The following RABEP2 variants were observed in gnomAD, a reference collection of about 807,000 sequenced individuals.
The protein encoded by RABEP2 is rabaptin, RAB GTPase binding effector protein 2.
A neutral mutation model predicts 74.1 loss-of-function variants in RABEP2; 57 were observed. That is an observed-to-expected ratio of 0.77 (90% CI 0.62 to 0.96). RABEP2 has a LOEUF of 0.96. RABEP2 is among the 40% of genes least tolerant of loss of function. The pLI is 0.00. For synonymous variants in RABEP2, 351 were observed against 344.0 expected, an observed-to-expected ratio of 1.02 and a Z score of -0.23; for missense variants, 692 against 756.3, an observed-to-expected ratio of 0.91 and a Z score of 1.00.
In RABEP2 at chr16:28,904,912, C is replaced by G; in HGVS notation, c.*31G>C. 2 of 1,543,110 alleles carry G rather than the reference C, an allele frequency of 1.3e-6. No individual in the cohort carries two copies. Among genetic ancestry groups the G allele is most frequent in the Non-Finnish European group, 1.8e-6 (2 of 1,120,332 alleles). On this transcript the variant is annotated 3_prime_UTR_variant, in exon 13 of 13. Transcript: ENST00000358201. ...TTCAGGAGTGGGGAAAGGCGTCTTT[C>G]CCAGGGTGGGGGTGGGGATATCCTG...
intron 5 of RABEP2, among the ~76,000 whole-genome samples, chr16:28,912,654 C>G (rs547102655): frequency 6.6e-6 from 1 of 152,218 alleles, no homozygotes; most frequent in South Asian, 2.1e-4. Flanking sequence ...CTCCAGCATT[C>G]TGCCCGCTTC....
At position 28,906,098 on chromosome 16, in the gene RABEP2, C is replaced by T. The variant is rs1011308673; in HGVS notation, c.1344G>A (p.Thr448=). The T allele has an allele frequency of 1.6e-5, 25 of 1,596,742 alleles. No individual in the cohort carries two copies. Among genetic ancestry groups the T allele is most frequent in the Admixed American group, 3.5e-5 (2 of 57,066 alleles). ...TCTCCTCCTCCAGAGCCTCCCGCAGCGTCACGATCTCGATCCGCAGGCGCT... is the reference window on the plus strand; with the variant it reads ...TCTCCTCCTCCAGAGCCTCCCGCAGTGTCACGATCTCGATCCGCAGGCGCT... ...GAERLRIEIV[T]LREALEEETV... is the part of the protein sequence containing the mutation. Residue 448 remains threonine (T), a synonymous_variant, in exon 9 of 13, where the codon ACG becomes ACA. Coordinates refer to ENST00000358201, the MANE Select transcript of RABEP2 (RefSeq NM_024816.3).
At chr16:28,918,104 GCT>G (rs1475589634) in intron 3 of RABEP2, among the ~76,000 whole-genome samples, 2 of 114,678 alleles carry the variant, frequency 1.7e-5, no homozygotes, top group African/African-American at 7.1e-5. Context: ...ACGGAGTCTC[GCT>G]CTGTCGCCCA....
chr16:28,924,844 G>T, intron 1 of RABEP2: 1 of 720,858 alleles, frequency 1.4e-6, no homozygotes, highest in Non-Finnish European at 2.5e-6. Flanking sequence ...TCCTCTCTTC[G>T]GTCCCACCTG....
chr16:28,923,348 T>C (rs1596705799), intron 2 of RABEP2, among the ~76,000 whole-genome samples: 1 of 151,790 alleles, frequency 6.6e-6, no homozygotes, highest in South Asian at 2.1e-4. Flanking sequence ...GAGGTGGAGG[T>C]TGCAGTGAGC....
At chr16:28,919,600 C>T in intron 3 of RABEP2, 186 bp downstream of exon 3, 1 of 511,756 alleles carries the variant, frequency 2.0e-6, no homozygotes, top group Non-Finnish European at 3.1e-6. Context: ...TGGTCACCCA[C>T]TAATAAGGGG....
At chr16:28,921,971 CA>C (rs1964473268) in intron 2 of RABEP2, among the ~76,000 whole-genome samples, 3 of 151,210 alleles carry the variant, frequency 2.0e-5, no homozygotes, top group African/African-American at 7.3e-5. Flanking sequence ...TCTCAAAAAA[CA>C]AAAAAACAAA....
In RABEP2 at chr16:28,904,768, C is replaced by A; in HGVS notation, c.*175G>T. ...GTGTGATCCCTGAGAACAGGAGGCC[C>A]AGCCACCCTGGGAGGAGGCGCTGGA... On this transcript the variant is annotated 3_prime_UTR_variant, in exon 13 of 13. Transcript: ENST00000358201. 3 of 661,898 alleles carry A rather than the reference C, an allele frequency of 4.5e-6. No homozygotes were observed. The highest frequency in any genetic ancestry group is 7.6e-6 in the Non-Finnish European group (3 of 395,024). The allele number at this position is 661,898 out of a possible 1,614,324, so 41.0% of individuals were successfully genotyped here. A position where few individuals can be genotyped will look rare whatever the true frequency, so the allele number is the denominator to read the frequency against.
At chr16:28,919,996 G>A in intron 2 of RABEP2, 53 bp from the exon 3 acceptor site, 2 of 1,507,322 alleles carry the variant, frequency 1.3e-6, no homozygotes, top group Non-Finnish European at 1.8e-6. Flanking sequence ...AGCCAGCCCT[G>A]CCTGTGGGCG....
At chr16:28,914,608 A>T in intron 4 of RABEP2, 22 bp from the exon 5 acceptor site, 1 of 1,610,170 alleles carries the variant, frequency 6.2e-7, no homozygotes. Context: ...GGCAGGGAAG[A>T]GGCTGGGGGG....
chr16:28,912,353 G>A (rs1363783995), intron 5 of RABEP2, among the ~76,000 whole-genome samples: 2 of 150,274 alleles, frequency 1.3e-5, no homozygotes, highest in African/African-American at 4.9e-5. Context: ...CAGCCTCTCA[G>A]CTTCTCCTGT....
In RABEP2 at chr16:28,906,085, G is replaced by A. The variant is rs768730103; in HGVS notation, c.1357C>T (p.Leu453=). ...RIEIVTLREA[L]EEETVARASL... ...GCCCTGGCCACTGTCTCCTCCTCCA[G>A]AGCCTCCCGCAGCGTCACGATCTCG... The change falls in exon 9 of 13, where the codon CTG becomes TTG. Residue 453 remains leucine, a synonymous_variant. Transcript: ENST00000358201. 1.9e-6 allele frequency: 3 copies of A among 1,597,738 alleles called. No individual in the cohort carries two copies. Among genetic ancestry groups the A allele is most frequent in the African/African-American group, 1.3e-5 (1 of 74,740 alleles).
Position 28,919,903 on chromosome 16 carries a change from C to T in RABEP2, c.315G>A (p.Lys105=). The part of the protein sequence containing the change: ...SSYEAQITAL[K]QERQQQQQDC... ...CCTGCTGCTGCTGCTGTCGCTCCTG[C>T]TTCAGGGCGGTGATCTGGGCTTCAT... The change falls in exon 3 of 13, where the codon AAG becomes AAA. Residue 105 remains lysine, a synonymous_variant. Coordinates refer to ENST00000358201, the MANE Select transcript of RABEP2 (RefSeq NM_024816.3). 1 of 1,596,404 alleles carries T rather than the reference C, an allele frequency of 6.3e-7. No homozygotes were observed. Among genetic ancestry groups the T allele is most frequent in the Non-Finnish European group, 8.6e-7 (1 of 1,169,556 alleles).
intron 5 of RABEP2, among the ~76,000 whole-genome samples, chr16:28,913,229 C>CTCTTTTTTTTTTTTTTT (rs1964338405): frequency 6.6e-6 from 1 of 151,366 alleles, no homozygotes; most frequent in Non-Finnish European, 1.5e-5. Context: ...CGCGCCCGGC[C>CTCTTTTTTTTTTTTTTT]TGCCCCGGTC....
intron 8 of RABEP2, among the ~76,000 whole-genome samples, chr16:28,908,144 T>C (rs1242925765): frequency 6.6e-6 from 1 of 152,166 alleles, no homozygotes; most frequent in Non-Finnish European, 1.5e-5. Context: ...GGTTTTACCG[T>C]TGGCCAGGCT....
intron 3 of RABEP2, among the ~76,000 whole-genome samples, chr16:28,919,192 A>G (rs541452046): frequency 1.8e-4 from 28 of 151,882 alleles, no homozygotes; most frequent in Non-Finnish European, 3.4e-4. Context: ...GTCTCACTCT[A>G]TTGCCCAGGT....
In RABEP2 at chr16:28,904,889, C is replaced by T; in HGVS notation, c.*54G>A. ...GACCCCAGAGCGAGGCCTCATGGTT[C>T]AGGAGTGGGGAAAGGCGTCTTTCCC... On this transcript the variant is annotated 3_prime_UTR_variant, in exon 13 of 13. Transcript: ENST00000358201. 2 of 1,367,268 alleles carry T rather than the reference C, an allele frequency of 1.5e-6. No individual in the cohort carries two copies. The highest frequency in any genetic ancestry group is 2.1e-6 in the Non-Finnish European group (2 of 968,974). 84.7% of individuals were successfully genotyped at this position (1,367,268 alleles called of 1,614,324 possible). A position where few individuals can be genotyped will look rare whatever the true frequency, so the allele number is the denominator to read the frequency against.
In RABEP2 at chr16:28,925,130, C is replaced by A; in HGVS notation, c.34G>T (p.Asp12Tyr). 7 of 1,534,846 alleles carry A rather than the reference C, an allele frequency of 4.6e-6. No homozygotes were observed. The highest frequency in any genetic ancestry group is 6.1e-6 in the Non-Finnish European group (7 of 1,146,888). Residue 12 changes from aspartate to tyrosine, a missense_variant, in exon 1 of 13, where the codon GAT becomes TAT. Asp to Tyr is a radical substitution (Grantham distance 160). Coordinates refer to ENST00000358201, the MANE Select transcript of RABEP2 (RefSeq NM_024816.3). Reference sequence around the variant, plus strand: ...GCCCCCGGCCGCCGCCGCCGCTCATCGTCGTCCGCGGCCACCGGCGCAGCT... The same window carrying A: ...GCCCCCGGCCGCCGCCGCCGCTCATAGTCGTCCGCGGCCACCGGCGCAGCT... ...AAAAPVAADD[D>Y]ERRRRPGAAL...
intron 2 of RABEP2, chr16:28,921,189 G>C: frequency 2.2e-6 from 1 of 455,840 alleles, no homozygotes; most frequent in South Asian, 1.5e-5. Flanking sequence ...AAATATTTAC[G>C]CTGGATCAGA....
Sources: gnomAD v4.1 joint callset for allele counts (sites outside exome capture counted in the v4.1 genomes callset) on GRCh38, gnomAD v4.1.1 for gene constraint, MANE v1.5 for transcripts, NCBI Gene and HGNC (gene_info 2026-07-23, HGNC 2026-07-21) for gene names.